DAW1: variants seen among roughly 807,000 people sequenced by gnomAD.
DAW1 encodes the protein dynein assembly factor with WD repeats 1.
In DAW1, 47 loss-of-function variants were observed where a neutral mutation model predicts 56.5. The observed-to-expected ratio is 0.83, with a 90% CI of 0.66 to 1.06. DAW1 has a LOEUF of 1.06. Ranked by LOEUF, DAW1 falls within the 50% of genes least tolerant of loss-of-function variation. The pLI is 0.00. For missense variants in DAW1, 505 were observed against 499.3 expected (o/e 1.01, Z -0.11); for synonymous variants, 190 against 179.0 (o/e 1.06, Z -0.49).
At chr2:227,918,213 A>G (rs1692020111) in intron 10 of DAW1, among the ~76,000 whole-genome samples, 1 of 150,310 alleles carries the variant, frequency 6.7e-6, no homozygotes, top group Admixed American at 6.6e-5. Flanking sequence ...CCATCCATCC[A>G]TCCATCCATA....
At chr2:227,903,666 T>TC (rs1410992777) in intron 7 of DAW1, among the ~76,000 whole-genome samples, 4 of 41,550 alleles carry the variant, frequency 9.6e-5, no homozygotes, top group Non-Finnish European at 1.9e-4. Context: ...CTCCCCTTCC[T>TC]CCCACCCTCC....
chr2:227,888,926 A>G (rs1335374500), intron 2 of DAW1, among the ~76,000 whole-genome samples: 1 of 152,176 alleles, frequency 6.6e-6, no homozygotes, highest in Admixed American at 6.5e-5. Context: ...GTCTATAATA[A>G]ATATTAATAT....
At chr2:227,880,658 G>A (rs897949718) in intron 1 of DAW1, among the ~76,000 whole-genome samples, 2 of 152,112 alleles carry the variant, frequency 1.3e-5, no homozygotes, top group Non-Finnish European at 2.9e-5. Context: ...AGTTCATTAC[G>A]CAACAGCTGC....
intron 11 of DAW1, among the ~76,000 whole-genome samples, chr2:227,920,227 T>C (rs1692071674): frequency 6.6e-6 from 1 of 152,246 alleles, no homozygotes; most frequent in African/African-American, 2.4e-5. Context: ...ATATTACTTA[T>C]TGAATTGGCA....
chr2:227,910,522 A>ACACACACACC (rs1355365642), intron 10 of DAW1, among the ~76,000 whole-genome samples: 1 of 151,466 alleles, frequency 6.6e-6, no homozygotes, highest in Non-Finnish European at 1.5e-5. Flanking sequence ...ACACACACAC[A>ACACACACACC]CACCCCTCAT....
At chr2:227,872,012 T>A (rs1460656995) in intron 1 of DAW1, 2 of 505,832 alleles carry the variant, frequency 4.0e-6, no homozygotes, top group Non-Finnish European at 7.0e-6. Flanking sequence ...CTTTGTGCTC[T>A]CTGCTATGGA....
chr2:227,896,859 G>T (rs559849875), intron 5 of DAW1, among the ~76,000 whole-genome samples: 1 of 151,880 alleles, frequency 6.6e-6, no homozygotes, highest in African/African-American at 2.4e-5. Flanking sequence ...GGGCCAGGAA[G>T]AATGGAAAAA....
rs1692170074 is a variant in DAW1 at position 227,924,055 on chromosome 2, T to C, written c.*87T>C. 11 of 1,478,624 alleles carry C rather than the reference T, an allele frequency of 7.4e-6. No homozygotes were observed. The East Asian group carries it at 2.1e-4, about 29-fold the overall frequency. 91.6% of individuals were successfully genotyped at this position (1,478,624 alleles called of 1,614,324 possible). ...CAGACAGCAGCTCTCTTAATATTTC[T>C]TATACTTTCTCTTTTTCTGCAAGTC... On this transcript the variant is annotated 3_prime_UTR_variant, in exon 13 of 13. Transcript: ENST00000309931.
intron 1 of DAW1, among the ~76,000 whole-genome samples, chr2:227,877,212 T>C (rs901760587): frequency 6.6e-6 from 1 of 152,256 alleles, no homozygotes; most frequent in Admixed American, 6.5e-5. Flanking sequence ...ATAGTTTTGC[T>C]CTGTCAGCCA....
intron 4 of DAW1, among the ~76,000 whole-genome samples, chr2:227,891,930 G>A (rs1691275251): frequency 6.6e-6 from 1 of 152,086 alleles, no homozygotes; most frequent in Non-Finnish European, 1.5e-5. Context: ...TTCCTTCTGA[G>A]GCCTTGGGAA....
chr2:227,902,398 G>C (rs894339993), intron 6 of DAW1, among the ~76,000 whole-genome samples: 1 of 152,146 alleles, frequency 6.6e-6, no homozygotes, highest in Non-Finnish European at 1.5e-5. Context: ...AGAAAAGGCA[G>C]ATGTCTCAAT....
intron 1 of DAW1, chr2:227,876,621 C>G (rs910122532): frequency 1.3e-5 from 8 of 631,270 alleles, no homozygotes; most frequent in African/African-American, 1.2e-4. Flanking sequence ...AATTTTCGCC[C>G]TCCCACTTTC....
Position 227,924,028 on chromosome 2 carries a change from C to T in DAW1, c.*60C>T. The T allele has an allele frequency of 6.3e-7, 1 of 1,576,460 alleles. No individual in the cohort carries two copies. Among genetic ancestry groups the T allele is most frequent in the South Asian group, 1.1e-5 (1 of 89,544 alleles). On this transcript the variant is annotated 3_prime_UTR_variant, in exon 13 of 13. Transcript: ENST00000309931. ...CAATGGTAATCAAGAACTGGAACTTCACAGACAGCAGCTCTCTTAATATTT... is the reference window on the plus strand; with the variant it reads ...CAATGGTAATCAAGAACTGGAACTTTACAGACAGCAGCTCTCTTAATATTT...
At chr2:227,910,911 TG>T (rs977511013) in intron 10 of DAW1, among the ~76,000 whole-genome samples, 4 of 152,154 alleles carry the variant, frequency 2.6e-5, no homozygotes, top group Non-Finnish European at 4.4e-5. Context: ...CAAAATTATG[TG>T]TCATCACCCA....
intron 2 of DAW1, among the ~76,000 whole-genome samples, chr2:227,887,186 T>C (rs561116402): frequency 4.7e-4 from 72 of 152,308 alleles, no homozygotes; most frequent in African/African-American, 1.6e-3. Context: ...AGGTAGTCAA[T>C]TGATATTTTT....
At chr2:227,881,913 A>G (rs550717584) in intron 1 of DAW1, among the ~76,000 whole-genome samples, 1 of 151,958 alleles carries the variant, frequency 6.6e-6, no homozygotes, top group Non-Finnish European at 1.5e-5. Context: ...CCGTCATGCC[A>G]GCTAATTTCT....
At chr2:227,891,728 G>A (rs1044538544) in intron 4 of DAW1, among the ~76,000 whole-genome samples, 2 of 152,194 alleles carry the variant, frequency 1.3e-5, no homozygotes, top group South Asian at 2.1e-4. Flanking sequence ...TGACGTGCTA[G>A]GTAGGAGAGA....
chr2:227,912,321 C>T, intron 10 of DAW1: 1 of 1,277,352 alleles, frequency 7.8e-7, no homozygotes, highest in Non-Finnish European at 1.0e-6. Context: ...CAACCTGCGC[C>T]TCCCAGGTTC....
chr2:227,914,092 A>G (rs527775817), intron 10 of DAW1, among the ~76,000 whole-genome samples: 2 of 152,096 alleles, frequency 1.3e-5, no homozygotes, highest in African/African-American at 2.4e-5. Flanking sequence ...TGATAAACAC[A>G]TAGGACCTCA....
Sources: allele counts gnomAD v4.1 joint callset (sites outside exome capture counted in the v4.1 genomes callset), GRCh38; gene constraint gnomAD v4.1.1; transcripts MANE v1.5; gene names NCBI Gene and HGNC (gene_info 2026-07-23, HGNC 2026-07-21).